The following MAP3K9 variants were observed in gnomAD, a reference collection of about 807,000 sequenced individuals.
MAP3K9 encodes the protein mitogen-activated protein kinase kinase kinase 9.
In MAP3K9, 46 loss-of-function variants were observed where a neutral mutation model predicts 95.8. That is an observed-to-expected ratio of 0.48 (90% CI 0.38 to 0.61). MAP3K9 has a LOEUF of 0.61. MAP3K9 is among the 20% of genes least tolerant of loss of function. The pLI, the probability that MAP3K9 is intolerant of heterozygous loss-of-function variation, is 0.00. For missense variants in MAP3K9, 1,296 were observed against 1,474.3 expected, an observed-to-expected ratio of 0.88 and a Z score of 1.98; for synonymous variants, 533 against 593.8, an observed-to-expected ratio of 0.90 and a Z score of 1.49.
At chr14:70,778,086 TTTGTTGTTGTTGTTATTG>T (rs1387766592) in intron 2 of MAP3K9, among the ~76,000 whole-genome samples, 1 of 151,592 alleles carries the variant, frequency 6.6e-6, no homozygotes, top group African/African-American at 2.4e-5. Context: ...TTTTTTGTTG[TTTGTTGTTGTTGTTATTG>T]TTGTTGTTGT....
chr14:70,782,148 C>T (rs993162131), intron 2 of MAP3K9, among the ~76,000 whole-genome samples: 4 of 152,128 alleles, frequency 2.6e-5, no homozygotes, highest in African/African-American at 9.7e-5. Context: ...GACACGCTGC[C>T]CCCTACTACA....
chr14:70,758,373 CT>C (rs949490713), intron 3 of MAP3K9, among the ~76,000 whole-genome samples: 13 of 152,058 alleles, frequency 8.5e-5, no homozygotes, highest in Admixed American at 3.9e-4. Context: ...ATAATAATAA[CT>C]TTTTTTTTAA....
rs1019236776 is a variant in MAP3K9 at position 70,729,539 on chromosome 14, T to C, written c.*841A>G. 1.3e-5 allele frequency: 2 copies of C among 152,216 alleles called. No homozygotes were observed. Among genetic ancestry groups the C allele is most frequent in the African/African-American group, 4.8e-5 (2 of 41,450 alleles). 9.4% of individuals were successfully genotyped at this position (152,216 alleles called of 1,614,324 possible). A position where few individuals can be genotyped will look rare whatever the true frequency, so the allele number is the denominator to read the frequency against. On this transcript the variant is annotated 3_prime_UTR_variant, in exon 12 of 12. Transcript: ENST00000554752. Reference sequence around the variant, plus strand: ...AGAAACTATTCCTGGGATGAGCAGATGATTGTATCCGAACCTGGTCTGACG... The same window carrying C: ...AGAAACTATTCCTGGGATGAGCAGACGATTGTATCCGAACCTGGTCTGACG...
Position 70,804,063 on chromosome 14 carries a change from G to A in MAP3K9, c.407-2983C>T, listed in dbSNP as rs147919432. Among the ~76,000 whole-genome samples the A allele has an allele frequency of 3.3e-4, 50 of 152,304 alleles. No individual in the cohort carries two copies. In the East Asian group the frequency reaches 7.7e-3, roughly 24 times the overall value. Reference sequence around the variant, plus strand: ...GAGAGGAATGTTTCATAGCCAAGTGGTTGCCTAATCTCTGGGCTGCAGACA... The same window carrying A: ...GAGAGGAATGTTTCATAGCCAAGTGATTGCCTAATCTCTGGGCTGCAGACA... On this transcript the variant is annotated intron_variant, in intron 1 of 11. Coordinates refer to ENST00000554752, the MANE Select transcript of MAP3K9 (RefSeq NM_001284230.2).
rs570429314 is a variant in MAP3K9, at chr14:70,759,639, C to T, written c.1001+1363G>A. ...TCTGGCCTCAGGAACTATAAAAGCACGCACTTCTGTTGCTTTAAGCCACTA... is the reference window on the plus strand; with the variant it reads ...TCTGGCCTCAGGAACTATAAAAGCATGCACTTCTGTTGCTTTAAGCCACTA... On this transcript the variant is annotated intron_variant, in intron 3 of 11. Coordinates refer to ENST00000554752, the MANE Select transcript of MAP3K9 (RefSeq NM_001284230.2). 4.6e-5 allele frequency among the ~76,000 whole-genome samples: 7 copies of T among 152,280 alleles called. No homozygotes were observed. In the South Asian group the frequency reaches 8.3e-4, roughly 18 times the overall value.
At chr14:70,786,378 A>C (rs2139836082) in intron 2 of MAP3K9, among the ~76,000 whole-genome samples, 1 of 152,314 alleles carries the variant, frequency 6.6e-6, no homozygotes, top group African/African-American at 2.4e-5. Flanking sequence ...ATCTCTAAGC[A>C]CAGGGAGCCA....
intron 1 of MAP3K9, among the ~76,000 whole-genome samples, chr14:70,805,105 T>TCCA (rs2139868238): frequency 6.6e-6 from 1 of 152,318 alleles, no homozygotes; most frequent in African/African-American, 2.4e-5. Context: ...GAAGGATATT[T>TCCA]CCAGGAATAT....
chr14:70,805,224 G>A (rs566855918), intron 1 of MAP3K9, among the ~76,000 whole-genome samples: 2 of 152,356 alleles, frequency 1.3e-5, no homozygotes, highest in South Asian at 4.1e-4. Context: ...TTTTGAGTAA[G>A]TGAATGTTAT....
chr14:70,808,902 G>A lies in MAP3K9; in HGVS notation c.270C>T (p.Gly90=). 1 of 1,596,558 alleles carries A rather than the reference G, an allele frequency of 6.3e-7. No individual in the cohort carries two copies. The highest frequency in any genetic ancestry group is 2.3e-5 in the East Asian group (1 of 44,256). Reference sequence around the variant, plus strand: ...GCTGCCCGGTCCACCAGCCCTCGTCGCCGGACACCTGCGAGTCCTTGGACA... The same window carrying A: ...GCTGCCCGGTCCACCAGCCCTCGTCACCGGACACCTGCGAGTCCTTGGACA... ...EVLSKDSQVS[G]DEGWWTGQLN... is the part of the protein sequence containing the mutation. Residue 90 remains glycine, a synonymous_variant, in exon 1 of 12, where the codon GGC becomes GGT. Transcript: ENST00000554752.
At chr14:70,736,393 G>A (rs150092786) in intron 8 of MAP3K9, among the ~76,000 whole-genome samples, 5 of 152,232 alleles carry the variant, frequency 3.3e-5, no homozygotes, top group East Asian at 1.9e-4. Context: ...TGTTCATCAC[G>A]TGTTTTCTTT....
intron 3 of MAP3K9, among the ~76,000 whole-genome samples, chr14:70,752,337 G>A (rs1189037180): frequency 6.6e-6 from 1 of 152,184 alleles, no homozygotes; most frequent in Admixed American, 6.5e-5. Context: ...TCAGGACCTA[G>A]CCCAAGCTCT....
chr14:70,739,352 G>A (rs753496231), intron 7 of MAP3K9, among the ~76,000 whole-genome samples: 2 of 151,976 alleles, frequency 1.3e-5, no homozygotes, highest in Non-Finnish European at 2.9e-5. Context: ...GGATGGTCTC[G>A]ATCTCCTGAC....
chr14:70,783,893 A>G (rs1478033644), intron 2 of MAP3K9, among the ~76,000 whole-genome samples: 1 of 152,230 alleles, frequency 6.6e-6, no homozygotes, highest in African/African-American at 2.4e-5. Context: ...CCCTTTTTGA[A>G]TGTTTATATT....
chr14:70,785,580 T>C (rs1330651830), intron 2 of MAP3K9, among the ~76,000 whole-genome samples: 1 of 152,130 alleles, frequency 6.6e-6, no homozygotes, highest in African/African-American at 2.4e-5. Context: ...AAGTGCGCGG[T>C]AGATGACATA....
intron 2 of MAP3K9, among the ~76,000 whole-genome samples, chr14:70,780,530 GCTCT>G (rs1441965752): frequency 6.6e-6 from 1 of 152,118 alleles, no homozygotes; most frequent in Non-Finnish European, 1.5e-5. Flanking sequence ...AGGACACCTA[GCTCT>G]CTCTAACATC....
At chr14:70,742,911 TTATATATATA>T (rs3081458) in intron 5 of MAP3K9, among the ~76,000 whole-genome samples, 5 of 143,114 alleles carry the variant, frequency 3.5e-5, no homozygotes, top group Non-Finnish European at 6.0e-5. Context: ...TTATATATAT[TTATATATATA>T]TATATATATA....
Position 70,801,059 on chromosome 14 carries a change from T to A in MAP3K9, c.428A>T (p.Glu143Val). Reference sequence around the variant, plus strand: ...GCCAATAATCTCTTCCAAGGTGAGCTCCGCAAAATCAATTTCTAACACTGA... The same window carrying A: ...GCCAATAATCTCTTCCAAGGTGAGCACCGCAAAATCAATTTCTAACACTGA... ...PIQLLEIDFAELTLEEIIGIG... is the reference protein window; with the variant it reads ...PIQLLEIDFAVLTLEEIIGIG... Residue 143 changes from glutamate to valine, a missense_variant, in exon 2 of 12, where the codon GAG becomes GTG. Physicochemically the swap from Glu to Val is moderately radical, Grantham distance 121 (BLOSUM62 -2). This residue lies in a region of MAP3K9 where 338 missense variants were observed against 363.4 expected (regional missense o/e 0.93). Transcript: ENST00000554752. 6.2e-7 allele frequency: 1 copy of A among 1,608,100 alleles called. No homozygotes were observed. The highest frequency in any genetic ancestry group is 2.2e-5 in the East Asian group (1 of 44,718).
intron 2 of MAP3K9, 96 bp downstream of exon 2, chr14:70,800,571 C>A: frequency 8.0e-7 from 1 of 1,246,308 alleles, no homozygotes; most frequent in South Asian, 1.4e-5. Flanking sequence ...AGTTTCACTG[C>A]CCTCTAAGGT....
chr14:70,753,416 G>C (rs1182160222), intron 3 of MAP3K9, among the ~76,000 whole-genome samples: 2 of 152,198 alleles, frequency 1.3e-5, no homozygotes, highest in Non-Finnish European at 2.9e-5. Context: ...GTTTACAATG[G>C]AAGGTGGGTG....
Sources: allele counts gnomAD v4.1 joint callset (sites outside exome capture counted in the v4.1 genomes callset), GRCh38; gene constraint gnomAD v4.1.1; regional missense constraint gnomAD v4.1.1; transcripts MANE v1.5; gene names NCBI Gene and HGNC (gene_info 2026-07-23, HGNC 2026-07-21).